PRR16: variants seen among roughly 807,000 people sequenced by gnomAD.
PRR16 encodes protein Largen.
Under a neutral mutation model 18.2 loss-of-function variants are expected in PRR16, and 6 were observed. The observed-to-expected ratio is 0.33, with a 90% CI of 0.18 to 0.65. The LOEUF (loss-of-function observed/expected upper bound fraction) is 0.65. Ranked by LOEUF, PRR16 falls within the 30% of genes least tolerant of loss-of-function variation. The pLI is 0.74. For missense variants in PRR16, 412 were observed against 376.6 expected, an observed-to-expected ratio of 1.09 and a Z score of -0.78; for synonymous variants, 151 against 147.8, an observed-to-expected ratio of 1.02 and a Z score of -0.16.
chr5:120,679,171 T>G (rs567104396), intron 1 of PRR16, among the ~76,000 whole-genome samples: 164 of 152,284 alleles, frequency 1.1e-3, no homozygotes, highest in African/African-American at 3.8e-3. Flanking sequence ...ACTCTCTTTG[T>G]TTCACTGTGA....
At chr5:120,649,799 A>T (rs940089624) in intron 1 of PRR16, among the ~76,000 whole-genome samples, 34 of 152,132 alleles carry the variant, frequency 2.2e-4, no homozygotes, top group African/African-American at 7.2e-4. Context: ...GATAAAAATG[A>T]TGGTAGTATC....
At position 120,653,021 on chromosome 5, in the gene PRR16, G is replaced by C. The variant is rs190493836; in HGVS notation, c.160-32933G>C. ...TTCATCATTCACCTAAAATGCAGCC[G>C]AGTAATCTAGACATAAGAGTGTGTA... On this transcript the variant is annotated intron_variant, in intron 1 of 1. Coordinates refer to ENST00000407149, the MANE Select transcript of PRR16 (RefSeq NM_001300783.2). Among the ~76,000 whole-genome samples, 1,265 of 151,982 alleles carry C rather than the reference G, an allele frequency of 8.3e-3. 7 individuals are homozygous for C. The highest frequency in any genetic ancestry group is 0.028 in the South Asian group (135 of 4,826).
At chr5:120,567,956 C>A (rs1231674394) in intron 1 of PRR16, among the ~76,000 whole-genome samples, 6 of 152,162 alleles carry the variant, frequency 3.9e-5, no homozygotes, top group Admixed American at 3.3e-4. Context: ...TTCCACCCAT[C>A]CCACTCAGGC....
Position 120,623,944 on chromosome 5 carries a change from T to C in PRR16, c.160-62010T>C, listed in dbSNP as rs1754778572. On this transcript the variant is annotated intron_variant, in intron 1 of 1. Transcript: ENST00000407149. Reference sequence around the variant, plus strand: ...ATTATTTGTATATAACAACTATTAATGTAGAGATACATAACAACTGTAGGT... The same window carrying C: ...ATTATTTGTATATAACAACTATTAACGTAGAGATACATAACAACTGTAGGT... Among the ~76,000 whole-genome samples, 3 of 152,116 alleles carry C rather than the reference T, an allele frequency of 2.0e-5. No homozygotes were observed. The South Asian group carries it at 6.2e-4, about 32-fold the overall frequency.
intron 1 of PRR16, among the ~76,000 whole-genome samples, chr5:120,590,525 G>C (rs1217228862): frequency 2.6e-5 from 3 of 115,614 alleles, no homozygotes; most frequent in Non-Finnish European, 5.6e-5. Flanking sequence ...AAGTTTTAGA[G>C]AATTTTACTT....
chr5:120,605,349 C>G (rs571317904), intron 1 of PRR16, among the ~76,000 whole-genome samples: 3 of 152,244 alleles, frequency 2.0e-5, no homozygotes, highest in Non-Finnish European at 2.9e-5. Context: ...TATTAAATTC[C>G]TATAGTGAAA....
chr5:120,703,971 T>C, the PRR16 span, among the ~76,000 whole-genome samples: 1 of 152,192 alleles, frequency 6.6e-6, no homozygotes, highest in African/African-American at 2.4e-5. Flanking sequence ...TTTGGGAGCT[T>C]TTCTATAAAG....
intron 1 of PRR16, among the ~76,000 whole-genome samples, chr5:120,663,443 T>C (rs556618813): frequency 2.3e-5 from 3 of 132,354 alleles, no homozygotes; most frequent in South Asian, 2.5e-4. Context: ...TTGAACAGGA[T>C]ACAAAAAGTA....
At chr5:120,666,444 C>A (rs1309574011) in intron 1 of PRR16, among the ~76,000 whole-genome samples, 170 of 151,416 alleles carry the variant, frequency 1.1e-3, no homozygotes, top group Non-Finnish European at 1.9e-3. Context: ...ATTGAATACC[C>A]TTTATTTCCT....
intron 1 of PRR16, among the ~76,000 whole-genome samples, chr5:120,682,058 T>A (rs552547160): frequency 6.6e-6 from 1 of 152,290 alleles, no homozygotes; most frequent in East Asian, 1.9e-4. Flanking sequence ...ATGTGGTACT[T>A]TATCATATCA....
intron 1 of PRR16, among the ~76,000 whole-genome samples, chr5:120,675,878 C>G (rs1196749652): frequency 1.3e-5 from 2 of 152,198 alleles, no homozygotes; most frequent in East Asian, 1.9e-4. Context: ...TTAGGCTCAA[C>G]TATGAATAAT....
chr5:120,794,283 G>T, the PRR16 span, among the ~76,000 whole-genome samples: 1 of 152,084 alleles, frequency 6.6e-6, no homozygotes, highest in South Asian at 2.1e-4. Flanking sequence ...ATTGTGCTTT[G>T]CTTTGTTGTG....
the PRR16 span, among the ~76,000 whole-genome samples, chr5:120,713,384 ACTAAT>A: frequency 3.9e-5 from 6 of 152,120 alleles, no homozygotes; most frequent in African/African-American, 7.2e-5. Flanking sequence ...GAACATCCTG[ACTAAT>A]CCAGACAAGT....
At chr5:120,734,732 T>G in the PRR16 span, among the ~76,000 whole-genome samples, 1 of 152,238 alleles carries the variant, frequency 6.6e-6, no homozygotes, top group African/African-American at 2.4e-5. Context: ...TATTTGTCTT[T>G]GTGCCTGTTA....
chr5:120,576,045 TAAATG>T (rs1315117564), intron 1 of PRR16, among the ~76,000 whole-genome samples: 2 of 152,118 alleles, frequency 1.3e-5, no homozygotes, highest in Non-Finnish European at 2.9e-5. Flanking sequence ...ATTAAAGACT[TAAATG>T]GAAGACCCCT....
intron 1 of PRR16, among the ~76,000 whole-genome samples, chr5:120,583,755 TG>T (rs1753349160): frequency 6.6e-6 from 1 of 152,108 alleles, no homozygotes; most frequent in African/African-American, 2.4e-5. Context: ...TCTTAAGTGC[TG>T]GGCACTCAGA....
intron 1 of PRR16, among the ~76,000 whole-genome samples, chr5:120,515,734 T>C (rs1010828745): frequency 1.3e-5 from 2 of 152,232 alleles, no homozygotes; most frequent in Non-Finnish European, 2.9e-5. Flanking sequence ...AGCATGTTTC[T>C]CACAGTCAAT....
intron 1 of PRR16, among the ~76,000 whole-genome samples, chr5:120,482,111 T>A (rs1044151164): frequency 1.3e-5 from 2 of 152,144 alleles, no homozygotes; most frequent in African/African-American, 4.8e-5. Context: ...CACTGGATAT[T>A]TTGTTTCTTT....
the PRR16 span, among the ~76,000 whole-genome samples, chr5:120,748,779 A>T: frequency 5.9e-5 from 9 of 152,102 alleles, no homozygotes; most frequent in Non-Finnish European, 1.3e-4. Context: ...GAATTAAAGG[A>T]ACTGAAAGAA....
Sources: allele counts gnomAD v4.1 joint callset (sites outside exome capture counted in the v4.1 genomes callset), GRCh38; gene constraint gnomAD v4.1.1; transcripts MANE v1.5; gene names NCBI Gene and HGNC (gene_info 2026-07-23, HGNC 2026-07-21).